Variants in PCDHGA2 observed in about 807,000 individuals in gnomAD.
PCDHGA2 encodes protocadherin gamma-A2.
Under a neutral mutation model 59.2 loss-of-function variants are expected in PCDHGA2, and 40 were observed. The observed-to-expected ratio is 0.68, with a 90% CI of 0.52 to 0.88. The LOEUF (loss-of-function observed/expected upper bound fraction) is 0.88, where lower values mean the gene tolerates loss of function less well. Among genes scored for constraint, PCDHGA2 ranks in the 40% least tolerant of loss-of-function variants. The pLI is 0.00. For missense variants in PCDHGA2, 1,226 were observed against 1,204.0 expected, an observed-to-expected ratio of 1.02 and a Z score of -0.27; for synonymous variants, 560 against 526.0, an observed-to-expected ratio of 1.06 and a Z score of -0.89.
At chr5:141,467,514 T>C (rs2154569535) in intron 1 of PCDHGA2, among the ~76,000 whole-genome samples, 1 of 152,362 alleles carries the variant, frequency 6.6e-6, no homozygotes, top group South Asian at 2.1e-4. Flanking sequence ...TTGGAGTTTA[T>C]TCTTTTGTGT....
Position 141,511,703 on chromosome 5 carries a change from T to G in PCDHGA2, c.*530T>G, listed in dbSNP as rs148447880. On this transcript the variant is annotated 3_prime_UTR_variant, in exon 4 of 4. Coordinates refer to ENST00000394576, the MANE Select transcript of PCDHGA2 (RefSeq NM_018915.4). ...AAAGCATGGTTTGGTGCCAGCCCCT[T>G]CACCTCCTTCCAGAGCCCAAGATCA... The G allele has an allele frequency of 1.1e-4, 21 of 189,942 alleles. No homozygotes were observed. In the East Asian group the frequency reaches 2.4e-3, roughly 22 times the overall value. 11.8% of individuals were successfully genotyped at this position (189,942 alleles called of 1,614,324 possible).
intron 1 of PCDHGA2, chr5:141,403,482 A>G (rs764737675): frequency 5.0e-6 from 8 of 1,613,774 alleles, no homozygotes; most frequent in Non-Finnish European, 6.8e-6. Context: ...CCCAATCACC[A>G]CTTCTCCCTG....
intron 1 of PCDHGA2, chr5:141,424,513 T>C (rs1339689551): frequency 6.6e-6 from 1 of 152,224 alleles, no homozygotes; most frequent in Non-Finnish European, 1.5e-5. Context: ...GGTTTTTTAA[T>C]GTAGTAAATC....
In PCDHGA2 at chr5:141,477,928, C is replaced by T; in HGVS notation, c.2425-16879C>T. On this transcript the variant is annotated intron_variant, in intron 1 of 3. Coordinates refer to ENST00000394576, the MANE Select transcript of PCDHGA2 (RefSeq NM_018915.4). This position sits in a 1 kb window ranked among gnomAD's most constrained non-coding sequence, Gnocchi z 4.9. ...GGGACGCGGATGCAGGGCACAATGC[C>T]TGGCTCTCCTACAGTCTCTTGGGAT... The T allele has an allele frequency of 6.2e-7, 1 of 1,614,186 alleles. No individual in the cohort carries two copies.
At chr5:141,501,841 C>T (rs2099811330) in intron 2 of PCDHGA2, among the ~76,000 whole-genome samples, 1 of 152,130 alleles carries the variant, frequency 6.6e-6, no homozygotes, top group African/African-American at 2.4e-5. Flanking sequence ...CTGTTTGGCC[C>T]TCAACCTTCA....
intron 2 of PCDHGA2, among the ~76,000 whole-genome samples, chr5:141,500,148 G>A (rs936567158): frequency 6.6e-6 from 1 of 150,990 alleles, no homozygotes; most frequent in Non-Finnish European, 1.5e-5. Flanking sequence ...ACTTTTCTTT[G>A]TGTAATCAAA....
chr5:141,345,751 C>G, intron 1 of PCDHGA2: 1 of 1,614,230 alleles, frequency 6.2e-7, no homozygotes, highest in Non-Finnish European at 8.5e-7. Flanking sequence ...GACGGTTCCA[C>G]TGGCGTGGAG....
chr5:141,354,617 T>C (rs942305232), intron 1 of PCDHGA2, among the ~76,000 whole-genome samples: 1 of 152,238 alleles, frequency 6.6e-6, no homozygotes, highest in Non-Finnish European at 1.5e-5. Flanking sequence ...TGTCCCACTG[T>C]CTTTTCACTT....
intron 2 of PCDHGA2, among the ~76,000 whole-genome samples, chr5:141,504,579 G>T (rs994771989): frequency 2.0e-5 from 3 of 149,174 alleles, no homozygotes; most frequent in Non-Finnish European, 4.4e-5. Context: ...AACACCATCT[G>T]CCCAGGATTC....
At chr5:141,361,833 G>T (rs376471858) in intron 1 of PCDHGA2, 4 of 1,612,898 alleles carry the variant, frequency 2.5e-6, no homozygotes, top group Non-Finnish European at 3.4e-6. Context: ...TGTACCCCGC[G>T]CTGGGGCCTG....
chr5:141,395,245 T>G (rs1347101527), intron 1 of PCDHGA2: 1 of 1,571,252 alleles, frequency 6.4e-7, no homozygotes, highest in Admixed American at 1.9e-5. Context: ...CAGGTGAGTT[T>G]AGTTCTTTGC....
chr5:141,478,445 G>C (rs773567457), intron 1 of PCDHGA2: 1 of 1,613,570 alleles, frequency 6.2e-7, no homozygotes, highest in Non-Finnish European at 8.5e-7. Flanking sequence ...GAAGAAACCT[G>C]GTGCAGCCAG....
At chr5:141,443,713 A>G (rs774603084) in intron 1 of PCDHGA2, among the ~76,000 whole-genome samples, 19 of 152,246 alleles carry the variant, frequency 1.2e-4, no homozygotes, top group Admixed American at 8.5e-4. Flanking sequence ...ACATTTGCAT[A>G]TAAAATTCCT....
At chr5:141,370,557 G>A (rs1439774902) in intron 1 of PCDHGA2, 1 of 1,613,966 alleles carries the variant, frequency 6.2e-7, no homozygotes, top group East Asian at 2.2e-5. Context: ...CAAGGACCTG[G>A]GGTTTGGCGT....
intron 1 of PCDHGA2, chr5:141,400,330 G>A (rs2094004189): frequency 6.2e-7 from 1 of 1,614,082 alleles, no homozygotes; most frequent in Admixed American, 1.7e-5. Flanking sequence ...TGGACCTGTG[G>A]TTCCCCCCAA....
chr5:141,418,986 C>T, intron 1 of PCDHGA2: 1 of 1,613,930 alleles, frequency 6.2e-7, no homozygotes, highest in Non-Finnish European at 8.5e-7. Context: ...GACCAAGACT[C>T]AGGGGAAAAT....
At chr5:141,415,285 G>A (rs1561755891) in intron 1 of PCDHGA2, 3 of 1,614,216 alleles carry the variant, frequency 1.9e-6, no homozygotes, top group Non-Finnish European at 2.5e-6. Context: ...GGTGGCCGCG[G>A]TCTCCTGCGT....
intron 1 of PCDHGA2, chr5:141,388,159 G>A (rs1420782628): frequency 6.8e-7 from 1 of 1,473,814 alleles, no homozygotes; most frequent in African/African-American, 1.4e-5. Context: ...AGGCTAGACA[G>A]GGAGGAGATA....
rs752595373 is a variant in PCDHGA2 at position 141,357,407 on chromosome 5, C to G, written c.2424+16012C>G. On this transcript the variant is annotated intron_variant, in intron 1 of 3. Transcript: ENST00000394576. ...GAAGGCAGCAGGTTGGCAGGTGTGC[C>G]TGCCTCGCACTTTGTGGGCGTGGAC... is the stretch of plus-strand genomic sequence containing the variant. 5.0e-6 allele frequency: 8 copies of G among 1,614,246 alleles called. No individual in the cohort carries two copies. The East Asian group carries it at 1.8e-4, about 36-fold the overall frequency.
Sources: allele counts gnomAD v4.1 joint callset (sites outside exome capture counted in the v4.1 genomes callset), GRCh38; gene constraint gnomAD v4.1.1; non-coding constraint Gnocchi (gnomAD v3.1); transcripts MANE v1.5; gene names NCBI Gene and HGNC (gene_info 2026-07-23, HGNC 2026-07-21).